The following EFNA5 variants were observed in gnomAD, a reference collection of about 807,000 sequenced individuals.
The protein encoded by EFNA5 is ephrin-A5.
A neutral mutation model predicts 22.9 loss-of-function variants in EFNA5; 5 were observed. The ratio of observed to expected loss-of-function variants is 0.22; its 90% CI spans 0.11 to 0.46. EFNA5 has a LOEUF of 0.46. Ranked by LOEUF, EFNA5 falls within the 20% of genes least tolerant of loss-of-function variation. The pLI, the probability that EFNA5 is intolerant of heterozygous loss-of-function variation, is 0.99. For missense variants in EFNA5, 237 were observed against 293.3 expected, an observed-to-expected ratio of 0.81 and a Z score of 1.40; for synonymous variants, 113 against 112.2, an observed-to-expected ratio of 1.01 and a Z score of -0.04.
intron 1 of EFNA5, among the ~76,000 whole-genome samples, chr5:107,470,235 G>C (rs776241045): frequency 5.3e-5 from 8 of 152,170 alleles, no homozygotes; most frequent in Non-Finnish European, 1.0e-4. Flanking sequence ...AACAGTGAGG[G>C]TCCTGGGAAC....
Position 107,620,260 on chromosome 5 carries a change from T to C in EFNA5, c.125+50229A>G, listed in dbSNP as rs371002085. Among the ~76,000 whole-genome samples the C allele has an allele frequency of 1.1e-4, 17 of 152,264 alleles. No individual in the cohort carries two copies. In the East Asian group the frequency reaches 1.2e-3, roughly 10 times the overall value. ...AGATTCCCATTTGGGCAACTCCTAA[T>C]TGTGCTGGCCACGTTTCATTTACTT... On this transcript the variant is annotated intron_variant, in intron 1 of 4. Coordinates refer to ENST00000333274, the MANE Select transcript of EFNA5 (RefSeq NM_001962.3).
intron 1 of EFNA5, among the ~76,000 whole-genome samples, chr5:107,629,440 A>G (rs934432655): frequency 6.6e-6 from 1 of 152,204 alleles, no homozygotes; most frequent in Non-Finnish European, 1.5e-5. Flanking sequence ...ATGTCATCAT[A>G]CATTTATCCA....
chr5:107,545,203 G>A (rs564037126), intron 1 of EFNA5, among the ~76,000 whole-genome samples: 5 of 152,216 alleles, frequency 3.3e-5, no homozygotes, highest in Non-Finnish European at 7.3e-5. Context: ...TGCCTGTCAC[G>A]GTATCAGGGC....
At chr5:107,507,867 C>T (rs1222289987) in intron 1 of EFNA5, among the ~76,000 whole-genome samples, 1 of 152,138 alleles carries the variant, frequency 6.6e-6, no homozygotes, top group Non-Finnish European at 1.5e-5. Context: ...AAATTATATA[C>T]ATGGCTCACA....
intron 1 of EFNA5, among the ~76,000 whole-genome samples, chr5:107,542,002 GAT>G (rs1748059320): frequency 6.6e-6 from 1 of 152,060 alleles, no homozygotes; most frequent in Non-Finnish European, 1.5e-5. Context: ...TGAAGCAAAT[GAT>G]ATAGAAAAAA....
chr5:107,559,152 G>A (rs1385951429), intron 1 of EFNA5, among the ~76,000 whole-genome samples: 1 of 152,118 alleles, frequency 6.6e-6, no homozygotes, highest in Non-Finnish European at 1.5e-5. Flanking sequence ...GATTCCCTAT[G>A]CAACTTTCCT....
chr5:107,430,906 A>G (rs1335444402), intron 1 of EFNA5, among the ~76,000 whole-genome samples: 1 of 150,684 alleles, frequency 6.6e-6, no homozygotes, highest in Non-Finnish European at 1.5e-5. Context: ...CCTCCCAAGT[A>G]GCAGGGATAC....
intron 1 of EFNA5, among the ~76,000 whole-genome samples, chr5:107,495,073 A>G (rs191927739): frequency 8.3e-4 from 126 of 152,220 alleles, no homozygotes; most frequent in African/African-American, 2.8e-3. Context: ...CACATAAGAG[A>G]ATAAAAGCAG....
rs1260691583 is a variant in EFNA5, at chr5:107,538,498, GTAAGTACAATGAA to G, written c.126-111002_126-110990del. ...GAGGAACATAAGAATGGTCTGAGCA[GTAAGTACAATGAA>G]TGTACAGACAGGAAGTGGGATTTAG... On this transcript the variant is annotated intron_variant, in intron 1 of 4. Coordinates refer to ENST00000333274, the MANE Select transcript of EFNA5 (RefSeq NM_001962.3). Among the ~76,000 whole-genome samples the G allele has an allele frequency of 1.3e-4, 20 of 152,340 alleles. 1 individual carries two copies. Among genetic ancestry groups the G allele is most frequent in the Admixed American group, 9.2e-4 (14 of 15,298 alleles).
At chr5:107,449,280 G>A (rs184870073) in intron 1 of EFNA5, among the ~76,000 whole-genome samples, 148 of 152,070 alleles carry the variant, frequency 9.7e-4, no homozygotes, top group African/African-American at 3.4e-3. Context: ...AGCTGGCAGA[G>A]TGTCCAACGC....
intron 1 of EFNA5, among the ~76,000 whole-genome samples, chr5:107,441,860 GATTCTA>G (rs1413627663): frequency 1.3e-5 from 2 of 152,046 alleles, no homozygotes; most frequent in Admixed American, 1.3e-4. Flanking sequence ...AAATTGTGTT[GATTCTA>G]ATTATGAAAA....
chr5:107,461,483 T>G lies in EFNA5; in HGVS notation c.126-33974A>C, dbSNP rs181570822. Among the ~76,000 whole-genome samples the G allele has an allele frequency of 5.2e-4, 79 of 151,830 alleles. 1 individual carries two copies. In the East Asian group the frequency reaches 0.014, roughly 28 times the overall value. ...GGCCCAATGTGTCAGACATTAAATA[T>G]AGAGGGGGGAAAAAAAGACCTTTTC... On this transcript the variant is annotated intron_variant, in intron 1 of 4. Coordinates refer to ENST00000333274, the MANE Select transcript of EFNA5 (RefSeq NM_001962.3).
At chr5:107,390,033 G>C (rs2112490192) in intron 2 of EFNA5, among the ~76,000 whole-genome samples, 1 of 152,274 alleles carries the variant, frequency 6.6e-6, no homozygotes, top group East Asian at 1.9e-4. Flanking sequence ...GCATGCCATG[G>C]ATTCACTCGA....
chr5:107,606,979 T>C (rs1749737320), intron 1 of EFNA5, among the ~76,000 whole-genome samples: 2 of 152,210 alleles, frequency 1.3e-5, no homozygotes, highest in African/African-American at 4.8e-5. Flanking sequence ...GGATTGATAT[T>C]TTCTTTGTTT....
chr5:107,606,752 A>G (rs766913197), intron 1 of EFNA5, among the ~76,000 whole-genome samples: 3 of 152,184 alleles, frequency 2.0e-5, no homozygotes, highest in Admixed American at 6.5e-5. Context: ...TAGGCGCTCT[A>G]TAAATATTAG....
In EFNA5 at chr5:107,381,186, C is replaced by T; in HGVS notation, c.*69G>A. The stretch of plus-strand genomic sequence containing the variant: ...ATAACAAGTCCCTTCTTAGGATGAG[C>T]AGTTAGGTGGATCTCTGGTGTTCCA... On this transcript the variant is annotated 3_prime_UTR_variant, in exon 5 of 5. Transcript: ENST00000333274. 2.0e-6 allele frequency: 3 copies of T among 1,538,456 alleles called. No individual in the cohort carries two copies. The highest frequency in any genetic ancestry group is 1.8e-6 in the Non-Finnish European group (2 of 1,129,856).
chr5:107,435,574 G>GGCT (rs1302975813), intron 1 of EFNA5, among the ~76,000 whole-genome samples: 1 of 152,078 alleles, frequency 6.6e-6, no homozygotes, highest in Non-Finnish European at 1.5e-5. Context: ...CAGGTGTGAA[G>GGCT]GCTGAATGAG....
chr5:107,579,691 A>G (rs920184166), intron 1 of EFNA5, among the ~76,000 whole-genome samples: 1 of 152,202 alleles, frequency 6.6e-6, no homozygotes, highest in Non-Finnish European at 1.5e-5. Context: ...TTCAGTTCAA[A>G]AAAAGCACAG....
chr5:107,511,838 A>G (rs1188940179), intron 1 of EFNA5, among the ~76,000 whole-genome samples: 1 of 152,152 alleles, frequency 6.6e-6, no homozygotes, highest in African/African-American at 2.4e-5. Flanking sequence ...CACCATGAAC[A>G]TGTTATATGT....
Sources: gnomAD v4.1 joint callset for allele counts (sites outside exome capture counted in the v4.1 genomes callset) on GRCh38, gnomAD v4.1.1 for gene constraint, MANE v1.5 for transcripts, NCBI Gene and HGNC (gene_info 2026-07-23, HGNC 2026-07-21) for gene names.